Variants in BNC2 observed in about 807,000 individuals in gnomAD.
The protein encoded by BNC2 is zinc finger protein basonuclin-2.
BNC2 carries 20 observed loss-of-function variants against 76.3 expected under a neutral mutation model. The observed-to-expected ratio is 0.26, with a 90% confidence interval of 0.18 to 0.38. BNC2 has a LOEUF of 0.38. Ranked by LOEUF, BNC2 falls within the 10% of genes least tolerant of loss-of-function variation. The probability of loss-of-function intolerance (pLI) is 1.00; values close to 1 mark genes in which losing one functional copy is unlikely to be tolerated. For missense variants in BNC2, 1,382 were observed against 1,399.8 expected, an observed-to-expected ratio of 0.99 and a Z score of 0.20; for synonymous variants, 582 against 514.8, an observed-to-expected ratio of 1.13 and a Z score of -1.77.
chr9:16,533,366 A>T (rs1367438296), intron 5 of BNC2, among the ~76,000 whole-genome samples: 1 of 152,210 alleles, frequency 6.6e-6, no homozygotes, highest in East Asian at 1.9e-4. Flanking sequence ...AGTAAATGAG[A>T]TTCTAGCCAT....
chr9:16,527,429 T>G (rs1817840108), intron 5 of BNC2, among the ~76,000 whole-genome samples: 1 of 152,198 alleles, frequency 6.6e-6, no homozygotes, highest in South Asian at 2.1e-4. Flanking sequence ...AATGGGAGTC[T>G]TATCATCTAT....
chr9:16,458,588 T>A (rs1268623714), intron 5 of BNC2, among the ~76,000 whole-genome samples: 1 of 152,180 alleles, frequency 6.6e-6, no homozygotes, highest in African/African-American at 2.4e-5. Flanking sequence ...GTAGGTAGCA[T>A]TTTTAAAAAA....
At chr9:16,808,612 CTGAG>C (rs1438883324) in intron 1 of BNC2, among the ~76,000 whole-genome samples, 3 of 151,310 alleles carry the variant, frequency 2.0e-5, no homozygotes, top group Admixed American at 6.6e-5. Context: ...CCTCGGCCTC[CTGAG>C]TAACTGGGAC....
chr9:16,569,909 C>T (rs1819272632), intron 4 of BNC2, among the ~76,000 whole-genome samples: 1 of 152,208 alleles, frequency 6.6e-6, no homozygotes, highest in Non-Finnish European at 1.5e-5. Flanking sequence ...ACAAACCCTG[C>T]TTTATCCAGT....
intron 3 of BNC2, among the ~76,000 whole-genome samples, chr9:16,604,387 C>T (rs1485375566): frequency 6.6e-6 from 1 of 152,132 alleles, no homozygotes; most frequent in Non-Finnish European, 1.5e-5. Flanking sequence ...AAATGCAAAG[C>T]AAAACTCATA....
intron 3 of BNC2, among the ~76,000 whole-genome samples, chr9:16,716,869 C>T (rs963255707): frequency 6.6e-6 from 1 of 152,168 alleles, no homozygotes; most frequent in African/African-American, 2.4e-5. Flanking sequence ...TGAACATATG[C>T]CAAATTTACT....
chr9:16,636,541 G>A (rs752046680), intron 3 of BNC2, among the ~76,000 whole-genome samples: 6 of 152,196 alleles, frequency 3.9e-5, no homozygotes, highest in South Asian at 2.1e-4. Context: ...GAGCTCATGC[G>A]ATCCTCCTAC....
chr9:16,756,377 C>T (rs1586858472), intron 1 of BNC2, among the ~76,000 whole-genome samples: 1 of 152,296 alleles, frequency 6.6e-6, no homozygotes, highest in South Asian at 2.1e-4. Context: ...TATCTCCTAA[C>T]TGTCTCTGGA....
At chr9:16,833,129 A>T (rs55763764) in intron 1 of BNC2, among the ~76,000 whole-genome samples, 53,831 of 151,740 alleles carry the variant, frequency 0.35, 11,465 homozygotes, top group East Asian at 0.88. Context: ...CAAAACCCTC[A>T]GGAAAGTGAT....
At chr9:16,857,443 C>T (rs1277144347) in intron 1 of BNC2, among the ~76,000 whole-genome samples, 1 of 128,946 alleles carries the variant, frequency 7.8e-6, no homozygotes, top group Non-Finnish European at 1.6e-5. Flanking sequence ...TGCCACTGCA[C>T]ACCAGCCTGG....
chr9:16,646,467 AAAAC>A (rs754299883), intron 3 of BNC2, among the ~76,000 whole-genome samples: 1 of 152,204 alleles, frequency 6.6e-6, no homozygotes. Context: ...CAATATGAGA[AAAAC>A]AAACAAAAAA....
chr9:16,810,368 A>T (rs886424593), intron 1 of BNC2, among the ~76,000 whole-genome samples: 2 of 152,202 alleles, frequency 1.3e-5, no homozygotes, highest in African/African-American at 2.4e-5. Flanking sequence ...TGCAAAACCA[A>T]GGAGTCGTGA....
At chr9:16,438,069 A>G (rs1821055668) in intron 5 of BNC2, among the ~76,000 whole-genome samples, 1 of 152,208 alleles carries the variant, frequency 6.6e-6, no homozygotes, top group Non-Finnish European at 1.5e-5. Context: ...AAAGATGAAT[A>G]AAGTAGCACT....
intron 5 of BNC2, among the ~76,000 whole-genome samples, chr9:16,509,261 C>G (rs982877139): frequency 6.6e-6 from 1 of 152,194 alleles, no homozygotes; most frequent in African/African-American, 2.4e-5. Flanking sequence ...TCTTACAGAT[C>G]ACCTCAACAC....
intron 3 of BNC2, among the ~76,000 whole-genome samples, chr9:16,629,005 T>C (rs1303470236): frequency 2.0e-5 from 3 of 152,192 alleles, no homozygotes; most frequent in Non-Finnish European, 4.4e-5. Flanking sequence ...AGGCTTGTTC[T>C]GCAAAAAAGA....
chr9:16,766,366 G>A (rs184853386), intron 1 of BNC2, among the ~76,000 whole-genome samples: 12 of 152,148 alleles, frequency 7.9e-5, no homozygotes, highest in African/African-American at 2.6e-4. Flanking sequence ...AAGAGCATTC[G>A]CAGCTGCTGA....
chr9:16,789,514 G>A (rs112920728), intron 1 of BNC2, among the ~76,000 whole-genome samples: 240 of 152,176 alleles, frequency 1.6e-3, no homozygotes, highest in African/African-American at 5.3e-3. Context: ...TGCTTTCCAT[G>A]CAGAAGCATC....
At chr9:16,847,903 C>A (rs556805909) in intron 1 of BNC2, among the ~76,000 whole-genome samples, 2 of 152,276 alleles carry the variant, frequency 1.3e-5, no homozygotes, top group South Asian at 4.1e-4. Flanking sequence ...ACTGGAGAGA[C>A]AGGTTACATA....
chr9:16,678,546 G>A (rs916541748), intron 3 of BNC2, among the ~76,000 whole-genome samples: 3 of 151,542 alleles, frequency 2.0e-5, no homozygotes, highest in African/African-American at 4.8e-5. Context: ...TTACAGGCGT[G>A]AGCCACCGCG....
Sources: gnomAD v4.1 joint callset for allele counts (sites outside exome capture counted in the v4.1 genomes callset) on GRCh38, gnomAD v4.1.1 for gene constraint, MANE v1.5 for transcripts, NCBI Gene and HGNC (gene_info 2026-07-23, HGNC 2026-07-21) for gene names.